The following BRD10 variants were observed in gnomAD, a reference collection of about 807,000 sequenced individuals.
The protein encoded by BRD10 is uncharacterized bromodomain-containing protein 10.
chr9:5,993,612 C>G, the BRD10 span, among the ~76,000 whole-genome samples: 2 of 152,112 alleles, frequency 1.3e-5, no homozygotes, highest in Non-Finnish European at 2.9e-5. Flanking sequence ...ACCCAGAGAG[C>G]GGTGACTGTA....
the BRD10 span, among the ~76,000 whole-genome samples, chr9:5,908,255 T>C: frequency 3.1e-4 from 47 of 152,342 alleles, no homozygotes; most frequent in Non-Finnish European, 5.7e-4. Context: ...TCTTGTTTTA[T>C]ATTTGGTAGT....
chr9:5,960,313 G>A, the BRD10 span, among the ~76,000 whole-genome samples: 2 of 152,126 alleles, frequency 1.3e-5, no homozygotes, highest in Non-Finnish European at 2.9e-5. Flanking sequence ...TGTAATCCCA[G>A]CACTTTGGGA....
chr9:5,965,834 A>G, the BRD10 span, among the ~76,000 whole-genome samples: 1 of 152,218 alleles, frequency 6.6e-6, no homozygotes, highest in Non-Finnish European at 1.5e-5. Context: ...TGACTATGAA[A>G]GGCCACAACG....
At chr9:6,008,269 GC>G in the BRD10 span, 1 of 982,490 alleles carries the variant, frequency 1.0e-6, no homozygotes, top group South Asian at 4.7e-5. Context: ...ACCCCCTCCC[GC>G]CCCCCTCTAC....
At chr9:5,932,872 A>G in the BRD10 span, among the ~76,000 whole-genome samples, 1 of 152,244 alleles carries the variant, frequency 6.6e-6, no homozygotes, top group African/African-American at 2.4e-5. Context: ...TCTCTGTATT[A>G]TAAGAATTAA....
the BRD10 span, among the ~76,000 whole-genome samples, chr9:5,944,400 C>G: frequency 6.6e-6 from 1 of 151,804 alleles, no homozygotes; most frequent in African/African-American, 2.4e-5. Context: ...AAAAAACTTT[C>G]AGCAGATAAA....
At chr9:5,947,785 G>C in the BRD10 span, among the ~76,000 whole-genome samples, 1 of 152,010 alleles carries the variant, frequency 6.6e-6, no homozygotes, top group Non-Finnish European at 1.5e-5. Context: ...AACTTCATAT[G>C]ATGTTTTTAA....
the BRD10 span, among the ~76,000 whole-genome samples, chr9:5,911,420 T>TTC: frequency 6.6e-6 from 1 of 151,708 alleles, no homozygotes; most frequent in Admixed American, 6.6e-5. Context: ...TTTTTTTTTT[T>TTC]TTAATGCCAG....
the BRD10 span, among the ~76,000 whole-genome samples, chr9:5,942,799 C>T: frequency 6.6e-6 from 1 of 152,186 alleles, no homozygotes; most frequent in Non-Finnish European, 1.5e-5. Context: ...ATCAAATCAA[C>T]TAAACCCTAG....
the BRD10 span, among the ~76,000 whole-genome samples, chr9:5,883,795 T>A: frequency 3.3e-5 from 5 of 152,064 alleles, no homozygotes; most frequent in East Asian, 1.9e-4. Context: ...AGGGACAGGC[T>A]TGCTCATATT....
At chr9:5,896,121 G>A in the BRD10 span, among the ~76,000 whole-genome samples, 7 of 152,222 alleles carry the variant, frequency 4.6e-5, no homozygotes, top group African/African-American at 9.6e-5. Flanking sequence ...TTGGTCTCCC[G>A]TTCCAGTTGC....
At chr9:5,906,337 AAAAAAGAAAAG>A in the BRD10 span, among the ~76,000 whole-genome samples, 2 of 150,156 alleles carry the variant, frequency 1.3e-5, no homozygotes, top group East Asian at 1.9e-4. Flanking sequence ...CTCAAAAAAA[AAAAAAGAAAAG>A]AAAAGAAAAG....
At chr9:5,969,555 T>C in the BRD10 span, 18 of 723,286 alleles carry the variant, frequency 2.5e-5, no homozygotes, top group Non-Finnish European at 3.5e-5. Flanking sequence ...TATTTATTTA[T>C]TTATTTGAGA....
the BRD10 span, among the ~76,000 whole-genome samples, chr9:6,002,405 A>T: frequency 1.3e-5 from 2 of 152,254 alleles, no homozygotes; most frequent in South Asian, 4.1e-4. Context: ...TCCAGATTCT[A>T]TTACCAAAGA....
chr9:5,953,459 C>T, the BRD10 span, among the ~76,000 whole-genome samples: 5 of 151,984 alleles, frequency 3.3e-5, no homozygotes, highest in Admixed American at 3.3e-4. Context: ...CTTTTTCTTT[C>T]CACAGAAATG....
chr9:5,972,349 G>A, the BRD10 span, among the ~76,000 whole-genome samples: 5 of 152,266 alleles, frequency 3.3e-5, no homozygotes, highest in South Asian at 1.0e-3. Flanking sequence ...GAATTAAAAA[G>A]AACTTCTAGA....
At chr9:5,967,503 CAT>C in the BRD10 span, among the ~76,000 whole-genome samples, 1 of 151,998 alleles carries the variant, frequency 6.6e-6, no homozygotes, top group African/African-American at 2.4e-5. Flanking sequence ...TTATATTCCA[CAT>C]ATTTTCTTGA....
chr9:5,960,379 T>C, the BRD10 span, among the ~76,000 whole-genome samples: 1 of 151,960 alleles, frequency 6.6e-6, no homozygotes, highest in Non-Finnish European at 1.5e-5. Flanking sequence ...CTGGCCAACA[T>C]GGTGAAATCT....
chr9:5,997,935 T>C, the BRD10 span, among the ~76,000 whole-genome samples: 1 of 152,184 alleles, frequency 6.6e-6, no homozygotes, highest in Non-Finnish European at 1.5e-5. Flanking sequence ...TTACATACTG[T>C]ACGTTTTGTA....
Sources: allele counts gnomAD v4.1 joint callset (sites outside exome capture counted in the v4.1 genomes callset), GRCh38; gene constraint gnomAD v4.1.1; transcripts MANE v1.5; gene names NCBI Gene and HGNC (gene_info 2026-07-23, HGNC 2026-07-21).